Variants in GLIPR1L2 observed in about 807,000 individuals in gnomAD.
GLIPR1L2 encodes GLIPR1-like protein 2.
Under a neutral mutation model 28.4 loss-of-function variants are expected in GLIPR1L2, and 21 were observed. That is an observed-to-expected ratio of 0.74 (90% confidence interval 0.52 to 1.06). The LOEUF is 1.06. Ranked by LOEUF, GLIPR1L2 falls within the 50% of genes least tolerant of loss-of-function variation. GLIPR1L2 has a pLI of 0.00. For missense variants in GLIPR1L2, 476 were observed against 416.9 expected (o/e 1.14, Z -1.23); for synonymous variants, 145 against 139.3 (o/e 1.04, Z -0.29).
intron 1 of GLIPR1L2, among the ~76,000 whole-genome samples, chr12:75,402,182 T>C (rs2045749220): frequency 6.6e-6 from 1 of 152,144 alleles, no homozygotes; most frequent in African/African-American, 2.4e-5. Flanking sequence ...CAAGTGTTTT[T>C]CTAGCAAAAT....
intron 3 of GLIPR1L2, among the ~76,000 whole-genome samples, chr12:75,414,577 G>C (rs539916164): frequency 2.0e-5 from 3 of 152,082 alleles, no homozygotes; most frequent in Non-Finnish European, 4.4e-5. Flanking sequence ...CTTTCCTGAT[G>C]AGAAGTCTTG....
intron 2 of GLIPR1L2, among the ~76,000 whole-genome samples, chr12:75,412,071 A>G (rs1047669377): frequency 1.3e-5 from 2 of 152,008 alleles, no homozygotes; most frequent in Non-Finnish European, 2.9e-5. Flanking sequence ...AGAAGGAGAA[A>G]TGCCAATAGC....
intron 1 of GLIPR1L2, among the ~76,000 whole-genome samples, chr12:75,395,244 A>C (rs2045670744): frequency 6.6e-6 from 1 of 152,082 alleles, no homozygotes; most frequent in Non-Finnish European, 1.5e-5. Context: ...TAATTTTTAT[A>C]TATCGAACCA....
intron 4 of GLIPR1L2, chr12:75,423,214 C>A (rs1173329999): frequency 4.4e-6 from 6 of 1,364,060 alleles, no homozygotes; most frequent in East Asian, 2.9e-5. Flanking sequence ...TGAGGACATA[C>A]CAGAGTGTCA....
intron 4 of GLIPR1L2, among the ~76,000 whole-genome samples, chr12:75,428,043 C>A (rs558359884): frequency 2.8e-4 from 43 of 152,252 alleles, no homozygotes; most frequent in Non-Finnish European, 5.3e-4. Flanking sequence ...AATGTGGAAG[C>A]AACTTTGGAA....
In GLIPR1L2 at chr12:75,431,031, A is replaced by G. The variant is rs995222791; in HGVS notation, c.905A>G (p.Glu302Gly). 30 of 1,519,490 alleles carry G rather than the reference A, an allele frequency of 2.0e-5. No homozygotes were observed. In the African/African-American group the frequency reaches 3.4e-4, roughly 17 times the overall value. 94.1% of individuals were successfully genotyped at this position (1,519,490 alleles called of 1,614,324 possible). Reference protein sequence around the residue: ...EESEAGNEEEEKEEEKKEKEE... With the variant: ...EESEAGNEEEGKEEEKKEKEE... ...TCTGAAGCAGGGAATGAAGAGGAGG[A>G]AAAAGAGGAAGAGAAGAAAGAGAAA... is the stretch of plus-strand genomic sequence containing the variant. The change falls in exon 6 of 6, where the codon GAA (glutamate) becomes GGA (glycine). Residue 302 changes from glutamate (E) to glycine (G), a missense_variant. Coordinates refer to ENST00000550916, the MANE Select transcript of GLIPR1L2 (RefSeq NM_001270396.2).
chr12:75,428,473 C>A (rs2046056212), intron 4 of GLIPR1L2, among the ~76,000 whole-genome samples: 1 of 151,952 alleles, frequency 6.6e-6, no homozygotes, highest in Non-Finnish European at 1.5e-5. Flanking sequence ...GGAAGCAGAG[C>A]ATAAAAGTTT....
chr12:75,418,357 A>G (rs1187425269), intron 3 of GLIPR1L2, among the ~76,000 whole-genome samples: 2 of 152,216 alleles, frequency 1.3e-5, no homozygotes, highest in Non-Finnish European at 2.9e-5. Flanking sequence ...TGAAGTCATG[A>G]AAGCTATATT....
intron 1 of GLIPR1L2, among the ~76,000 whole-genome samples, chr12:75,409,015 T>C (rs1221904514): frequency 6.6e-6 from 1 of 152,052 alleles, no homozygotes; most frequent in African/African-American, 2.4e-5. Context: ...AAGAAAACTC[T>C]AAGGCAAGCT....
At chr12:75,423,372 T>C in intron 4 of GLIPR1L2, 1 of 1,008,514 alleles carries the variant, frequency 9.9e-7, no homozygotes, top group South Asian at 4.7e-5. Flanking sequence ...CCTTTTCTTT[T>C]AGTTTTTCCT....
chr12:75,399,600 C>T (rs1423657447), intron 1 of GLIPR1L2, among the ~76,000 whole-genome samples: 1 of 151,906 alleles, frequency 6.6e-6, no homozygotes, highest in African/African-American at 2.4e-5. Flanking sequence ...AGTTTTTTTG[C>T]CTTTTTTTCT....
intron 3 of GLIPR1L2, among the ~76,000 whole-genome samples, chr12:75,415,894 A>G (rs2045918834): frequency 6.6e-6 from 1 of 152,138 alleles, no homozygotes; most frequent in South Asian, 2.1e-4. Context: ...GTCAAGGCCA[A>G]CCTAGATAAT....
chr12:75,392,963 A>G (rs1328767351), intron 1 of GLIPR1L2, among the ~76,000 whole-genome samples: 2 of 152,088 alleles, frequency 1.3e-5, no homozygotes, highest in Non-Finnish European at 2.9e-5. Context: ...CTATCATAAT[A>G]GTATGGCCTA....
At chr12:75,392,641 C>G (rs1195896687) in intron 1 of GLIPR1L2, among the ~76,000 whole-genome samples, 1 of 151,990 alleles carries the variant, frequency 6.6e-6, no homozygotes, top group Non-Finnish European at 1.5e-5. Context: ...AATTCTGTTT[C>G]TTCCCAATTT....
intron 4 of GLIPR1L2, among the ~76,000 whole-genome samples, chr12:75,429,515 G>A (rs2046068835): frequency 6.6e-6 from 1 of 152,166 alleles, no homozygotes; most frequent in Non-Finnish European, 1.5e-5. Flanking sequence ...GGACTTTTGG[G>A]TGAATGCTGG....
chr12:75,409,905 T>G (rs958614452), intron 1 of GLIPR1L2, among the ~76,000 whole-genome samples: 1 of 148,952 alleles, frequency 6.7e-6, no homozygotes, highest in African/African-American at 2.4e-5. Flanking sequence ...TATATAAGAT[T>G]TATATCTAAT....
At chr12:75,417,269 G>A (rs767396939) in intron 3 of GLIPR1L2, among the ~76,000 whole-genome samples, 1 of 152,048 alleles carries the variant, frequency 6.6e-6, no homozygotes, top group Non-Finnish European at 1.5e-5. Flanking sequence ...GAGGCAGTGT[G>A]ACCACAGCAG....
intron 1 of GLIPR1L2, among the ~76,000 whole-genome samples, chr12:75,401,055 G>A (rs1055775219): frequency 6.6e-6 from 1 of 151,850 alleles, no homozygotes; most frequent in South Asian, 2.1e-4. Context: ...GATGGGAAAA[G>A]TTACTTGAAC....
At chr12:75,411,153 G>A (rs766631903) in intron 2 of GLIPR1L2, among the ~76,000 whole-genome samples, 1 of 151,702 alleles carries the variant, frequency 6.6e-6, no homozygotes, top group Non-Finnish European at 1.5e-5. Context: ...GAATATTGAA[G>A]CACTTTTCAT....
Sources: allele counts gnomAD v4.1 joint callset (sites outside exome capture counted in the v4.1 genomes callset), GRCh38; gene constraint gnomAD v4.1.1; transcripts MANE v1.5; gene names NCBI Gene and HGNC (gene_info 2026-07-23, HGNC 2026-07-21).